Variants in CCDC178 observed in about 807,000 individuals in gnomAD.
CCDC178 encodes the protein coiled-coil domain-containing protein 178.
CCDC178 carries 126 observed loss-of-function variants against 117.4 expected under a neutral mutation model. The observed-to-expected ratio is 1.07, with a 90% CI of 0.93 to 1.24. The LOEUF is 1.24. CCDC178 is among the 50% of genes most tolerant of loss of function. The probability of loss-of-function intolerance (pLI) is 0.00; values close to 1 mark genes in which losing one functional copy is unlikely to be tolerated. For synonymous variants in CCDC178, 283 were observed against 313.4 expected (o/e 0.90, Z 1.02); for missense variants, 1,030 against 986.9 (o/e 1.04, Z -0.59).
At chr18:33,008,130 C>T (rs1295055900) in intron 21 of CCDC178, among the ~76,000 whole-genome samples, 4 of 152,016 alleles carry the variant, frequency 2.6e-5, no homozygotes. Flanking sequence ...AGTTGTGCAA[C>T]TTGAGGTCCA....
chr18:33,323,920 T>A (rs1373543668), intron 10 of CCDC178, among the ~76,000 whole-genome samples: 1 of 151,840 alleles, frequency 6.6e-6, no homozygotes, highest in African/African-American at 2.4e-5. Context: ...TAATACTTTA[T>A]TATTTAAAAA....
chr18:33,392,217 C>T lies in CCDC178; in HGVS notation c.119-2588G>A, dbSNP rs557809301. Among the ~76,000 whole-genome samples the T allele has an allele frequency of 3.9e-5, 6 of 152,244 alleles. No homozygotes were observed. In the East Asian group the frequency reaches 9.7e-4, roughly 25 times the overall value. On this transcript the variant is annotated intron_variant, in intron 4 of 22. Transcript: ENST00000383096. The stretch of plus-strand genomic sequence containing the variant: ...AAAAATCTTCCTTATATATCAGCCA[C>T]CCCAACCCATAGGGGCTTGTTTATA...
chr18:33,148,333 A>G (rs1243916845), intron 20 of CCDC178, among the ~76,000 whole-genome samples: 1 of 152,156 alleles, frequency 6.6e-6, no homozygotes, highest in Non-Finnish European at 1.5e-5. Flanking sequence ...CTGAGGCAGG[A>G]GAATCAGGCA....
chr18:32,976,804 T>C (rs183866944), intron 21 of CCDC178, among the ~76,000 whole-genome samples: 2 of 152,272 alleles, frequency 1.3e-5, no homozygotes, highest in East Asian at 3.9e-4. Flanking sequence ...TCAGTTTTAC[T>C]AACAGGATAT....
intron 20 of CCDC178, among the ~76,000 whole-genome samples, chr18:33,175,589 C>G (rs1226573670): frequency 6.6e-6 from 1 of 152,180 alleles, no homozygotes; most frequent in East Asian, 1.9e-4. Flanking sequence ...TTCGCAGAGG[C>G]AGTGCTTTGT....
chr18:33,222,313 C>G (rs898577803), intron 18 of CCDC178, among the ~76,000 whole-genome samples: 1 of 149,308 alleles, frequency 6.7e-6, no homozygotes, highest in Non-Finnish European at 1.5e-5. Flanking sequence ...TCCTTCCTCC[C>G]TTCTTCCCTC....
chr18:33,356,420 T>A, intron 6 of CCDC178, 74 bp from the exon 7 acceptor site: 1 of 1,310,516 alleles, frequency 7.6e-7, no homozygotes, highest in African/African-American at 1.5e-5. Context: ...TCACTTAAAC[T>A]TGTCAATTCT....
intron 4 of CCDC178, among the ~76,000 whole-genome samples, chr18:33,392,480 C>T (rs2063576514): frequency 6.6e-6 from 1 of 152,168 alleles, no homozygotes; most frequent in African/African-American, 2.4e-5. Context: ...TTCAGTACCC[C>T]AACCAGTGAT....
At chr18:33,017,530 G>C (rs2056017304) in intron 21 of CCDC178, among the ~76,000 whole-genome samples, 1 of 151,862 alleles carries the variant, frequency 6.6e-6, no homozygotes, top group African/African-American at 2.4e-5. Flanking sequence ...TTCATCTACA[G>C]GTTTAAAATA....
intron 20 of CCDC178, among the ~76,000 whole-genome samples, chr18:33,094,638 C>A (rs2057516207): frequency 6.6e-6 from 1 of 151,714 alleles, no homozygotes; most frequent in African/African-American, 2.4e-5. Context: ...TTTAATGGAA[C>A]TTAATTGGGG....
intron 21 of CCDC178, among the ~76,000 whole-genome samples, chr18:33,012,857 C>T (rs1051104977): frequency 6.6e-6 from 1 of 152,220 alleles, no homozygotes; most frequent in African/African-American, 2.4e-5. Context: ...AGCAGCAGCC[C>T]AGTGGCTTAT....
Position 33,369,874 on chromosome 18 carries a change from G to A in CCDC178, c.348+176C>T, listed in dbSNP as rs528471807. ...AATAAGGTCGTTTCACCCTTCTGGA[G>A]TGAGACTATCAAAAACATGTCTAGA... On this transcript the variant is annotated intron_variant, in intron 6 of 22. Transcript: ENST00000383096. 2.6e-5 allele frequency among the ~76,000 whole-genome samples: 4 copies of A among 152,098 alleles called. 2 individuals are homozygous for A. In the East Asian group the frequency reaches 7.7e-4, roughly 29 times the overall value.
intron 11 of CCDC178, among the ~76,000 whole-genome samples, chr18:33,306,632 A>G (rs2144932175): frequency 6.8e-6 from 1 of 146,736 alleles, no homozygotes; most frequent in African/African-American, 2.5e-5. Context: ...ATATATATAT[A>G]TAAGGTTATA....
Position 33,288,765 on chromosome 18 carries a change from AAAAGATT to A in CCDC178, c.1176+4387_1176+4393del, listed in dbSNP as rs553100707. ...TTCCTTCCAAGTTGAGATTTAAAAT[AAAAGATT>A]TCAGCTACACAATGATAGGACTGAG... On this transcript the variant is annotated intron_variant, in intron 12 of 22. Transcript: ENST00000383096. Among the ~76,000 whole-genome samples the A allele has an allele frequency of 3.8e-3, 581 of 152,274 alleles. 8 individuals carry two copies. The highest frequency in any genetic ancestry group is 3.7e-3 in the Non-Finnish European group (254 of 68,034).
intron 18 of CCDC178, among the ~76,000 whole-genome samples, chr18:33,222,088 T>A (rs1284042035): frequency 6.6e-6 from 1 of 152,118 alleles, no homozygotes; most frequent in Non-Finnish European, 1.5e-5. Flanking sequence ...TATTTTATAG[T>A]TTCAGAGTGT....
At chr18:33,022,801 A>C (rs922511124) in intron 21 of CCDC178, among the ~76,000 whole-genome samples, 1 of 152,164 alleles carries the variant, frequency 6.6e-6, no homozygotes, top group Non-Finnish European at 1.5e-5. Context: ...TTAGCAGAGC[A>C]GATTAAAAAG....
chr18:33,424,901 C>T (rs1420704616), intron 2 of CCDC178, among the ~76,000 whole-genome samples: 1 of 152,208 alleles, frequency 6.6e-6, no homozygotes, highest in Non-Finnish European at 1.5e-5. Context: ...CATCCACTCA[C>T]TCCCCTCGAA....
chr18:33,099,569 C>A (rs1697537226), intron 20 of CCDC178, among the ~76,000 whole-genome samples: 2 of 151,870 alleles, frequency 1.3e-5, no homozygotes, highest in South Asian at 4.2e-4. Flanking sequence ...TGTAATTAAC[C>A]CAAATGTTTA....
chr18:33,318,130 T>C (rs569036572), intron 11 of CCDC178, among the ~76,000 whole-genome samples: 2 of 152,294 alleles, frequency 1.3e-5, no homozygotes, highest in East Asian at 3.9e-4. Flanking sequence ...ATAAATCCTA[T>C]ATTTTAACAC....
Sources: gnomAD v4.1 joint callset for allele counts (sites outside exome capture counted in the v4.1 genomes callset) on GRCh38, gnomAD v4.1.1 for gene constraint, MANE v1.5 for transcripts, NCBI Gene and HGNC (gene_info 2026-07-23, HGNC 2026-07-21) for gene names.